RYR2: variants seen among roughly 807,000 people sequenced by gnomAD.
RYR2 encodes cardiac muscle ryanodine receptor-calcium release channel.
RYR2 carries 227 observed loss-of-function variants against 601.1 expected under a neutral mutation model. The observed-to-expected ratio is 0.38, with a 90% confidence interval of 0.34 to 0.42. The LOEUF is 0.42. RYR2 is among the 10% of genes least tolerant of loss of function. The probability of loss-of-function intolerance (pLI) is 1.00; values close to 1 mark genes in which losing one functional copy is unlikely to be tolerated. For missense variants in RYR2, 4,646 were observed against 6,156.5 expected (o/e 0.75, Z 8.21); for synonymous variants, 2,223 against 2,175.1 (o/e 1.02, Z -0.61).
intron 10 of RYR2, among the ~76,000 whole-genome samples, chr1:237,393,937 A>G (rs528406061): frequency 3.9e-5 from 6 of 152,220 alleles, no homozygotes; most frequent in Non-Finnish European, 5.9e-5. Flanking sequence ...AAAAACATTC[A>G]TAGGAATTTG....
Position 237,745,851 on chromosome 1 carries a change from G to A in RYR2, c.11145+3502G>A, listed in dbSNP as rs543108152. On this transcript the variant is annotated intron_variant, in intron 80 of 104. Coordinates refer to ENST00000366574, the MANE Select transcript of RYR2 (RefSeq NM_001035.3). The stretch of plus-strand genomic sequence containing the variant: ...ACAGGCTTTTAAAGTGCTGGGAATT[G>A]CCACACATTTATAGGTGTAATGCAG... Among the ~76,000 whole-genome samples, 5 of 151,950 alleles carry A rather than the reference G, an allele frequency of 3.3e-5. No homozygotes were observed. In the South Asian group the frequency reaches 1.0e-3, roughly 32 times the overall value.
At chr1:237,122,008 T>C (rs1571913984) in intron 1 of RYR2, among the ~76,000 whole-genome samples, 1 of 152,252 alleles carries the variant, frequency 6.6e-6, no homozygotes, top group South Asian at 2.1e-4. Context: ...AGAGTAGAGG[T>C]CACCCTTGAG....
At chr1:237,064,108 G>A (rs1663230989) in intron 1 of RYR2, among the ~76,000 whole-genome samples, 1 of 151,756 alleles carries the variant, frequency 6.6e-6, no homozygotes, top group Non-Finnish European at 1.5e-5. Flanking sequence ...CCTTCTTTTT[G>A]GGATTCCGAT....
chr1:237,098,675 A>G (rs1353776692), intron 1 of RYR2, among the ~76,000 whole-genome samples: 8 of 152,230 alleles, frequency 5.3e-5, no homozygotes, highest in Admixed American at 5.2e-4. Flanking sequence ...TGAGTCACAC[A>G]CAGAAAGACA....
intron 27 of RYR2, among the ~76,000 whole-genome samples, chr1:237,551,795 T>C (rs954666805): frequency 1.3e-5 from 2 of 152,198 alleles, no homozygotes; most frequent in Admixed American, 1.3e-4. Flanking sequence ...ATATTCACTG[T>C]GTAAGTGTTT....
At chr1:237,479,680 G>A (rs1234962610) in intron 17 of RYR2, among the ~76,000 whole-genome samples, 1 of 152,194 alleles carries the variant, frequency 6.6e-6, no homozygotes, top group East Asian at 1.9e-4. Context: ...ATTTCTGTGG[G>A]TACTGACGTT....
intron 1 of RYR2, among the ~76,000 whole-genome samples, chr1:237,107,819 A>G (rs912033479): frequency 1.3e-5 from 2 of 152,102 alleles, no homozygotes; most frequent in Admixed American, 1.3e-4. Context: ...AGCACGTCAC[A>G]CGTGTGGCAT....
chr1:237,798,235 T>G, intron 97 of RYR2, 65 bp downstream of exon 97: 1 of 1,461,172 alleles, frequency 6.8e-7, no homozygotes, highest in Non-Finnish European at 9.3e-7. Flanking sequence ...AATACATTTT[T>G]AAACTTGTGC....
intron 10 of RYR2, among the ~76,000 whole-genome samples, chr1:237,391,046 T>C (rs1246346147): frequency 6.6e-6 from 1 of 152,182 alleles, no homozygotes; most frequent in Non-Finnish European, 1.5e-5. Context: ...TTGGTTATAC[T>C]GGGATTGAGC....
Position 237,785,999 on chromosome 1 carries a change from GAAA to G in RYR2, c.13294_13296del (p.Lys4432del). 6.3e-7 allele frequency: 1 copy of G among 1,591,880 alleles called. No homozygotes were observed. ...GAAGGCAAAAGAAGAAGAAAAGGAAGAAAAAGAAGAAACCAAATCTGAACCTGA... is the reference window on the plus strand; with the variant it reads ...GAAGGCAAAAGAAGAAGAAAAGGAAGAAGAAGAAACCAAATCTGAACCTGA... On this transcript the variant is annotated inframe_deletion, in exon 91 of 105. Coordinates refer to ENST00000366574, the MANE Select transcript of RYR2 (RefSeq NM_001035.3).
chr1:237,572,557 A>G (rs1672811474), intron 29 of RYR2, among the ~76,000 whole-genome samples: 1 of 152,214 alleles, frequency 6.6e-6, no homozygotes, highest in Admixed American at 6.5e-5. Flanking sequence ...TAGAATTTTT[A>G]AAATTTAAAA....
intron 2 of RYR2, among the ~76,000 whole-genome samples, chr1:237,302,861 CT>C (rs1693498541): frequency 6.6e-6 from 1 of 152,126 alleles, no homozygotes; most frequent in African/African-American, 2.4e-5. Flanking sequence ...AAATGGAATT[CT>C]AGGGTAAAGT....
At chr1:237,315,283 A>T (rs1329606745) in intron 2 of RYR2, among the ~76,000 whole-genome samples, 2 of 152,162 alleles carry the variant, frequency 1.3e-5, no homozygotes, top group African/African-American at 4.8e-5. Flanking sequence ...TCTGTGCAAG[A>T]TAGTTTTAAC....
At chr1:237,473,434 T>TTTCC (rs1660984582) in intron 17 of RYR2, among the ~76,000 whole-genome samples, 2 of 91,336 alleles carry the variant, frequency 2.2e-5, no homozygotes, top group Non-Finnish European at 5.6e-5. Context: ...TCTCTCTCTC[T>TTTCC]TTCTTTCTTT....
At chr1:237,328,117 A>G (rs188706572) in intron 2 of RYR2, among the ~76,000 whole-genome samples, 45 of 152,316 alleles carry the variant, frequency 3.0e-4, no homozygotes, top group Middle Eastern at 3.4e-3. Context: ...GAGTATTTAC[A>G]CCACAGAAAT....
chr1:237,811,596 G>A (rs1661259303), intron 100 of RYR2, among the ~76,000 whole-genome samples: 1 of 152,122 alleles, frequency 6.6e-6, no homozygotes, highest in African/African-American at 2.4e-5. Flanking sequence ...AAAAATTGGG[G>A]ATACATAATA....
At chr1:237,068,483 G>T (rs1663922764) in intron 1 of RYR2, among the ~76,000 whole-genome samples, 1 of 152,056 alleles carries the variant, frequency 6.6e-6, no homozygotes, top group Non-Finnish European at 1.5e-5. Flanking sequence ...TACCAACGTG[G>T]CCATTTGTGT....
At chr1:237,786,247 A>G (rs1381026937) in intron 91 of RYR2, among the ~76,000 whole-genome samples, 5 of 152,154 alleles carry the variant, frequency 3.3e-5, no homozygotes, top group Admixed American at 6.6e-5. Flanking sequence ...CTGCCAGTCT[A>G]GTCTTTTCCT....
chr1:237,063,585 C>T (rs1663152222), intron 1 of RYR2, among the ~76,000 whole-genome samples: 1 of 150,936 alleles, frequency 6.6e-6, no homozygotes, highest in South Asian at 2.1e-4. Flanking sequence ...TTTAATTCTA[C>T]ACACACACAC....
Sources: gnomAD v4.1 joint callset for allele counts (sites outside exome capture counted in the v4.1 genomes callset) on GRCh38, gnomAD v4.1.1 for gene constraint, MANE v1.5 for transcripts, NCBI Gene and HGNC (gene_info 2026-07-23, HGNC 2026-07-21) for gene names.